DLC1: variants seen among roughly 807,000 people sequenced by gnomAD.
DLC1 encodes the protein DLC1 Rho GTPase activating protein, also known as rho GTPase-activating protein 7.
In DLC1, 54 loss-of-function variants were observed where a neutral mutation model predicts 140.3. The observed-to-expected ratio is 0.38, with a 90% CI of 0.31 to 0.48. DLC1 has a LOEUF of 0.48. Ranked by LOEUF, DLC1 falls within the 20% of genes least tolerant of loss-of-function variation. DLC1 has a pLI of 0.96. For missense variants in DLC1, 2,536 were observed against 1,907.0 expected (o/e 1.33, Z -6.14); for synonymous variants, 986 against 728.1 (o/e 1.35, Z -5.70).
At chr8:13,600,722 CTT>C (rs35249264) in intron 1 of DLC1, among the ~76,000 whole-genome samples, 21 of 150,568 alleles carry the variant, frequency 1.4e-4, no homozygotes, top group African/African-American at 4.9e-4. Context: ...TAAAGTAAAT[CTT>C]TTTTTTTAGC....
At chr8:13,103,923 A>T (rs2128940798) in intron 7 of DLC1, among the ~76,000 whole-genome samples, 1 of 152,236 alleles carries the variant, frequency 6.6e-6, no homozygotes, top group Middle Eastern at 3.4e-3. Flanking sequence ...CAAAACAGCA[A>T]CAAAGAACCA....
intron 4 of DLC1, among the ~76,000 whole-genome samples, chr8:13,332,434 C>CTT (rs5889435): frequency 0.83 from 123,397 of 148,122 alleles, 51,911 homozygotes; most frequent in East Asian, 0.94. Flanking sequence ...TTTCTTTTGT[C>CTT]TTTTTTTTTT....
chr8:13,391,006 A>AG (rs1836733257), intron 4 of DLC1, among the ~76,000 whole-genome samples: 1 of 147,412 alleles, frequency 6.8e-6, no homozygotes, highest in African/African-American at 2.5e-5. Context: ...GAAAAAAAAA[A>AG]GAAAAAATAG....
chr8:13,250,141 A>T (rs11776451), intron 5 of DLC1, among the ~76,000 whole-genome samples: 1 of 152,232 alleles, frequency 6.6e-6, no homozygotes, highest in African/African-American at 2.4e-5. Context: ...AATAGGATCA[A>T]TACGTACTTG....
chr8:13,252,127 G>A (rs1283432768), intron 5 of DLC1, among the ~76,000 whole-genome samples: 1 of 152,084 alleles, frequency 6.6e-6, no homozygotes, highest in Non-Finnish European at 1.5e-5. Context: ...TTTTGTCATT[G>A]AACTTGTCCT....
chr8:13,295,942 G>GT (rs71207138), intron 5 of DLC1, among the ~76,000 whole-genome samples: 7,734 of 72,626 alleles, frequency 0.11, 2,520 homozygotes, highest in Non-Finnish European at 0.11. Flanking sequence ...AAGATTCTTT[G>GT]TTTTTTTTTT....
chr8:13,180,300 C>G (rs922328289), intron 5 of DLC1, among the ~76,000 whole-genome samples: 4 of 152,140 alleles, frequency 2.6e-5, no homozygotes, highest in Non-Finnish European at 5.9e-5. Flanking sequence ...TCTCTCTTAT[C>G]CACTTGATCA....
chr8:13,539,615 C>G (rs1462282883), intron 1 of DLC1, among the ~76,000 whole-genome samples: 2 of 152,118 alleles, frequency 1.3e-5, no homozygotes, highest in African/African-American at 4.8e-5. Flanking sequence ...GCTTCTGTCC[C>G]TCACCAGCAA....
At chr8:13,372,642 G>T (rs78651191) in intron 4 of DLC1, among the ~76,000 whole-genome samples, 1 of 152,070 alleles carries the variant, frequency 6.6e-6, no homozygotes, top group Admixed American at 6.6e-5. Context: ...CTAACTAAGC[G>T]CTAAACTATT....
At chr8:13,356,611 A>G (rs1563280359) in intron 4 of DLC1, among the ~76,000 whole-genome samples, 1 of 152,300 alleles carries the variant, frequency 6.6e-6, no homozygotes, top group South Asian at 2.1e-4. Context: ...AAATTGTATC[A>G]TAATAATCTG....
At chr8:13,356,880 TA>T (rs1411698477) in intron 4 of DLC1, among the ~76,000 whole-genome samples, 2 of 151,834 alleles carry the variant, frequency 1.3e-5, no homozygotes, top group African/African-American at 2.4e-5. Context: ...TATTTATTAT[TA>T]TTTTTTTACT....
At chr8:13,534,625 A>G (rs551950252) in intron 1 of DLC1, among the ~76,000 whole-genome samples, 1 of 152,246 alleles carries the variant, frequency 6.6e-6, no homozygotes, top group African/African-American at 2.4e-5. Flanking sequence ...GATCTCTAGG[A>G]AAAGCGCCAC....
intron 1 of DLC1, chr8:13,536,101 A>T (rs941361265): frequency 2.0e-5 from 3 of 152,230 alleles, no homozygotes; most frequent in African/African-American, 7.2e-5. Flanking sequence ...TAGTATTTGG[A>T]TGGGAGAACA....
At chr8:13,522,690 T>C (rs1229669881) in intron 1 of DLC1, among the ~76,000 whole-genome samples, 1 of 151,858 alleles carries the variant, frequency 6.6e-6, no homozygotes, top group Non-Finnish European at 1.5e-5. Flanking sequence ...TTATGTAGTA[T>C]TATGTAGTAT....
intron 3 of DLC1, among the ~76,000 whole-genome samples, chr8:13,397,789 T>C (rs1837114888): frequency 6.6e-6 from 1 of 152,026 alleles, no homozygotes; most frequent in African/African-American, 2.4e-5. Context: ...TGAGTTATTG[T>C]GCCAGTGCAC....
At chr8:13,251,739 T>A (rs1043848897) in intron 5 of DLC1, among the ~76,000 whole-genome samples, 7 of 152,160 alleles carry the variant, frequency 4.6e-5, no homozygotes, top group African/African-American at 1.4e-4. Context: ...GAACCAAAGT[T>A]TCTTCATCTT....
chr8:13,498,946 A>G (rs1269090200), intron 2 of DLC1, 103 bp downstream of exon 2: 7 of 1,378,530 alleles, frequency 5.1e-6, no homozygotes, highest in Admixed American at 5.3e-5. Flanking sequence ...ACAGGGCAAA[A>G]GAACCATCTT....
intron 7 of DLC1, 92 bp downstream of exon 7, chr8:13,110,650 G>A (rs575274292): frequency 1.3e-5 from 16 of 1,238,428 alleles, no homozygotes; most frequent in Admixed American, 2.0e-5. Flanking sequence ...AACACAATTA[G>A]CAAGAACAAA....
At chr8:13,325,360 T>A (rs541535268) in intron 4 of DLC1, among the ~76,000 whole-genome samples, 6 of 152,264 alleles carry the variant, frequency 3.9e-5, no homozygotes, top group Middle Eastern at 3.4e-3. Flanking sequence ...ACAAGAAATT[T>A]TTTTCTTGCT....
Sources: allele counts gnomAD v4.1 joint callset (sites outside exome capture counted in the v4.1 genomes callset), GRCh38; gene constraint gnomAD v4.1.1; transcripts MANE v1.5; gene names NCBI Gene and HGNC (gene_info 2026-07-23, HGNC 2026-07-21).